Variants in DIP2C observed in about 807,000 individuals in gnomAD.
The protein encoded by DIP2C is DIP2 acetate--CoA ligase C (putative), also known as disco-interacting protein 2 homolog C.
In DIP2C, 33 loss-of-function variants were observed where a neutral mutation model predicts 192.4. The observed-to-expected ratio is 0.17, with a 90% CI of 0.13 to 0.23. DIP2C has a LOEUF of 0.23. DIP2C is among the 10% of genes least tolerant of loss of function. DIP2C has a pLI of 1.00. For synonymous variants in DIP2C, 979 were observed against 864.1 expected, an observed-to-expected ratio of 1.13 and a Z score of -2.33; for missense variants, 1,537 against 2,110.1, an observed-to-expected ratio of 0.73 and a Z score of 5.32.
Position 277,066 on chromosome 10 carries a change from G to GA in DIP2C, c.*258_*259insT. ...TAAAAAAGAAAGAAAAGAAAAGAAA[G>GA]TTTTGAAATGGGCTTTTCCAACAAA... is the stretch of plus-strand genomic sequence containing the variant. On this transcript the variant is annotated 3_prime_UTR_variant, in exon 37 of 37. Transcript: ENST00000280886. 1 of 394,814 alleles carries GA rather than the reference G, an allele frequency of 2.5e-6. No homozygotes were observed. The highest frequency in any genetic ancestry group is 4.5e-6 in the Non-Finnish European group (1 of 222,940). 24.5% of individuals were successfully genotyped at this position (394,814 alleles called of 1,614,324 possible). A position where few individuals can be genotyped will look rare whatever the true frequency, so the allele number is the denominator to read the frequency against.
Position 384,013 on chromosome 10 carries a change from C to A in DIP2C, c.1876+14G>T, listed in dbSNP as rs376762001. ...AGCCCGCCTGCCTCACGAGATCACA[C>A]GCTCCTCACTTACAGGGGTTCGCGC... On this transcript the variant is annotated intron_variant, in intron 16 of 36. Transcript: ENST00000280886. 2.0e-5 allele frequency: 31 copies of A among 1,531,012 alleles called. No individual in the cohort carries two copies. The highest frequency in any genetic ancestry group is 2.7e-5 in the Non-Finnish European group (31 of 1,147,466). 94.8% of individuals were successfully genotyped at this position (1,531,012 alleles called of 1,614,324 possible). A position where few individuals can be genotyped will look rare whatever the true frequency, so the allele number is the denominator to read the frequency against.
intron 1 of DIP2C, among the ~76,000 whole-genome samples, chr10:607,486 G>A (rs540550825): frequency 5.6e-4 from 85 of 152,216 alleles, no homozygotes; most frequent in African/African-American, 1.9e-3. Flanking sequence ...ATCTTAAATG[G>A]TATCTATGAG....
intron 8 of DIP2C, among the ~76,000 whole-genome samples, chr10:412,389 T>A (rs2133087540): frequency 6.6e-6 from 1 of 152,322 alleles, no homozygotes; most frequent in East Asian, 1.9e-4. Context: ...CAGCAGCGAC[T>A]CCAAGTACAC....
intron 3 of DIP2C, among the ~76,000 whole-genome samples, chr10:450,381 T>G (rs137933245): frequency 6.6e-6 from 1 of 152,212 alleles, no homozygotes; most frequent in Non-Finnish European, 1.5e-5. Flanking sequence ...ATTTAAGATG[T>G]TTACGTATCA....
chr10:327,661 G>C (rs186462314), intron 30 of DIP2C, among the ~76,000 whole-genome samples: 1 of 152,302 alleles, frequency 6.6e-6, no homozygotes, highest in Admixed American at 6.5e-5. Flanking sequence ...GGTCTCCCAA[G>C]TAGCTGGGAC....
chr10:302,705 CAT>C (rs1445792940), intron 32 of DIP2C, among the ~76,000 whole-genome samples: 1 of 152,166 alleles, frequency 6.6e-6, no homozygotes, highest in Admixed American at 6.5e-5. Flanking sequence ...ACCTGGACAA[CAT>C]GTGACTACAT....
chr10:309,900 C>A, intron 32 of DIP2C, 131 bp downstream of exon 32: 1 of 891,538 alleles, frequency 1.1e-6, no homozygotes, highest in Admixed American at 2.5e-5. Flanking sequence ...CACCACTTCA[C>A]TCATGAGACA....
intron 1 of DIP2C, among the ~76,000 whole-genome samples, chr10:521,977 C>A (rs1383145919): frequency 6.6e-6 from 1 of 152,028 alleles, no homozygotes; most frequent in Non-Finnish European, 1.5e-5. Context: ...TCTCAGCCTG[C>A]TGCTGCTCAC....
At chr10:309,043 C>A (rs569810679) in intron 32 of DIP2C, among the ~76,000 whole-genome samples, 1 of 152,158 alleles carries the variant, frequency 6.6e-6, no homozygotes, top group Non-Finnish European at 1.5e-5. Context: ...CGGCTGCTGA[C>A]GGCGATAAGG....
At chr10:390,139 G>A (rs373698602) in intron 12 of DIP2C, 46 bp from the exon 13 acceptor site, 10 of 1,595,382 alleles carry the variant, frequency 6.3e-6, no homozygotes, top group African/African-American at 2.7e-5. Flanking sequence ...ACAGGTCACG[G>A]CAGTTTTTCT....
At chr10:496,211 T>TCCA (rs1359464870) in intron 1 of DIP2C, among the ~76,000 whole-genome samples, 1 of 138,464 alleles carries the variant, frequency 7.2e-6, no homozygotes. Context: ...ACATTACTCT[T>TCCA]AATACCCCAA....
chr10:530,053 C>T (rs569028351), intron 1 of DIP2C, among the ~76,000 whole-genome samples: 3 of 152,346 alleles, frequency 2.0e-5, no homozygotes, highest in African/African-American at 2.4e-5. Context: ...TCCGGTTGCC[C>T]GAGCTCTGCA....
intron 2 of DIP2C, among the ~76,000 whole-genome samples, chr10:475,263 G>A (rs2133460596): frequency 6.6e-6 from 1 of 152,292 alleles, no homozygotes; most frequent in East Asian, 1.9e-4. Context: ...TCTGCATCTT[G>A]GCTTTCTCCA....
At chr10:508,293 C>T (rs542020222) in intron 1 of DIP2C, among the ~76,000 whole-genome samples, 7 of 152,188 alleles carry the variant, frequency 4.6e-5, no homozygotes, top group Non-Finnish European at 8.8e-5. Flanking sequence ...GCAGCATCTC[C>T]GGTGCCCGTG....
At chr10:597,805 C>T (rs1294745085) in intron 1 of DIP2C, among the ~76,000 whole-genome samples, 1 of 152,166 alleles carries the variant, frequency 6.6e-6, no homozygotes, top group African/African-American at 2.4e-5. Context: ...GCTGGGGCCA[C>T]ACGAGGACAC....
chr10:600,869 TTTTC>T (rs1341279960), intron 1 of DIP2C, among the ~76,000 whole-genome samples: 383 of 152,326 alleles, frequency 2.5e-3, no homozygotes, highest in Middle Eastern at 0.01. Context: ...GGTCAAAGCT[TTTTC>T]TGTAACAAAG....
chr10:505,104 C>T (rs902058097), intron 1 of DIP2C, among the ~76,000 whole-genome samples: 6 of 152,176 alleles, frequency 3.9e-5, no homozygotes, highest in East Asian at 1.9e-4. Context: ...GCACCCTTCC[C>T]GGAACCGTGT....
chr10:594,761 A>G (rs1014173580), intron 1 of DIP2C, among the ~76,000 whole-genome samples: 1 of 151,992 alleles, frequency 6.6e-6, no homozygotes, highest in Non-Finnish European at 1.5e-5. Context: ...CTTTCTCAAG[A>G]CCACACACAA....
At chr10:538,310 C>G (rs181829551) in intron 1 of DIP2C, among the ~76,000 whole-genome samples, 4 of 152,054 alleles carry the variant, frequency 2.6e-5, no homozygotes, top group Non-Finnish European at 5.9e-5. Context: ...GTGTGCACCA[C>G]CACACTCGGC....
Sources: gnomAD v4.1 joint callset for allele counts (sites outside exome capture counted in the v4.1 genomes callset) on GRCh38, gnomAD v4.1.1 for gene constraint, MANE v1.5 for transcripts, NCBI Gene and HGNC (gene_info 2026-07-23, HGNC 2026-07-21) for gene names.